Variants in LRPPRC observed in about 807,000 individuals in gnomAD.
LRPPRC encodes the protein leucine-rich PPR motif-containing protein, mitochondrial.
In LRPPRC, 120 loss-of-function variants were observed where a neutral mutation model predicts 180.3. The observed-to-expected ratio is 0.67, with a 90% CI of 0.57 to 0.77. The LOEUF (loss-of-function observed/expected upper bound fraction) is 0.77, where lower values mean the gene tolerates loss of function less well. Ranked by LOEUF, LRPPRC falls within the 30% of genes least tolerant of loss-of-function variation. LRPPRC has a pLI of 0.00. For synonymous variants in LRPPRC, 723 were observed against 600.0 expected (o/e 1.21, Z -3.00); for missense variants, 2,012 against 1,657.2 (o/e 1.21, Z -3.72).
rs150557686 is a variant in LRPPRC at position 43,995,255 on chromosome 2, C to T, written c.149+544G>A. 9.2e-3 allele frequency among the ~76,000 whole-genome samples: 1,408 copies of T among 152,276 alleles called. 15 individuals carry two copies. The highest frequency in any genetic ancestry group is 0.012 in the Non-Finnish European group (824 of 68,022). Reference sequence around the variant, plus strand: ...CTTCTTAAATGCTGAAGGAAAACTCCATTCAAGAGAACGCAGGCAAAAGCC... The same window carrying T: ...CTTCTTAAATGCTGAAGGAAAACTCTATTCAAGAGAACGCAGGCAAAAGCC... On this transcript the variant is annotated intron_variant, in intron 1 of 37. Coordinates refer to ENST00000260665, the MANE Select transcript of LRPPRC (RefSeq NM_133259.4).
intron 34 of LRPPRC, 134 bp from the exon 35 acceptor site, chr2:43,896,842 T>C (rs1558897743): frequency 2.2e-5 from 14 of 640,560 alleles, no homozygotes; most frequent in Non-Finnish European, 3.4e-5. Flanking sequence ...AATAGTCGAC[T>C]ATTATTTTTT....
At chr2:43,925,322 C>A (rs1022239196) in intron 26 of LRPPRC, among the ~76,000 whole-genome samples, 165 bp from the exon 27 acceptor site, 7 of 152,082 alleles carry the variant, frequency 4.6e-5, no homozygotes, top group Admixed American at 2.6e-4. Context: ...GAACTTAATG[C>A]CACTGAACTG....
chr2:43,956,864 T>C lies in LRPPRC; in HGVS notation c.1649+521A>G, dbSNP rs144482296. ...AGGATCACACCACTGCATTGCAGCCTGGGCGACAGAGCAAGACTCCGTCTC... is the reference window on the plus strand; with the variant it reads ...AGGATCACACCACTGCATTGCAGCCCGGGCGACAGAGCAAGACTCCGTCTC... On this transcript the variant is annotated intron_variant, in intron 14 of 37. Transcript: ENST00000260665. 4.7e-3 allele frequency among the ~76,000 whole-genome samples: 714 copies of C among 152,266 alleles called. 6 individuals are homozygous for C. The highest frequency in any genetic ancestry group is 0.016 in the African/African-American group (671 of 41,534).
intron 23 of LRPPRC, among the ~76,000 whole-genome samples, chr2:43,940,898 C>G (rs1672455774): frequency 6.6e-6 from 1 of 152,028 alleles, no homozygotes; most frequent in Non-Finnish European, 1.5e-5. Flanking sequence ...AAAATACTTA[C>G]AAAAGAAAAT....
At chr2:43,928,026 A>G (rs1231169730) in intron 25 of LRPPRC, among the ~76,000 whole-genome samples, 1 of 152,260 alleles carries the variant, frequency 6.6e-6, no homozygotes, top group Non-Finnish European at 1.5e-5. Flanking sequence ...ATAACATGAA[A>G]AAACAGTTAA....
At chr2:43,992,961 G>A (rs1430972626) in intron 1 of LRPPRC, among the ~76,000 whole-genome samples, 3 of 152,118 alleles carry the variant, frequency 2.0e-5, no homozygotes, top group East Asian at 3.9e-4. Flanking sequence ...TGAAAATGTT[G>A]AGAAAACACA....
chr2:43,923,298 G>GT (rs1319827251), intron 27 of LRPPRC, among the ~76,000 whole-genome samples: 1 of 151,332 alleles, frequency 6.6e-6, no homozygotes, highest in Non-Finnish European at 1.5e-5. Context: ...GGGCAACATA[G>GT]TGGGACCCCG....
At chr2:43,969,835 CGG>C (rs1008163982) in intron 11 of LRPPRC, among the ~76,000 whole-genome samples, 1 of 152,006 alleles carries the variant, frequency 6.6e-6, no homozygotes, top group African/African-American at 2.4e-5. Flanking sequence ...CCACCTCGCT[CGG>C]CTAATTTTTC....
Position 43,901,882 on chromosome 2 carries a change from A to G in LRPPRC, c.3365-358T>C, listed in dbSNP as rs117525187. The G allele has an allele frequency of 2.6e-4, 59 of 227,848 alleles. No homozygotes were observed. The East Asian group carries it at 6.6e-3, about 26-fold the overall frequency. The allele number at this position is 227,848 out of a possible 1,614,324, so 14.1% of individuals were successfully genotyped here. ...GAGTTTCCAAAAATGTGTGACTTCT[A>G]TCCATGTTCATACTTGTCCAGATTT... On this transcript the variant is annotated intron_variant, in intron 31 of 37. Coordinates refer to ENST00000260665, the MANE Select transcript of LRPPRC (RefSeq NM_133259.4).
chr2:43,996,140 A>T (rs933548681), upstream of LRPPRC: 1 of 545,268 alleles, frequency 1.8e-6, no homozygotes, highest in African/African-American at 2.0e-5. Flanking sequence ...TAATATTTAC[A>T]TAAACGATGT....
chr2:43,960,328 C>G (rs1673292502), intron 13 of LRPPRC, among the ~76,000 whole-genome samples: 1 of 152,158 alleles, frequency 6.6e-6, no homozygotes, highest in Non-Finnish European at 1.5e-5. Context: ...AGCCTTCAGT[C>G]TAACACCATA....
intron 13 of LRPPRC, chr2:43,959,114 G>C (rs1411784857): frequency 8.9e-6 from 6 of 675,046 alleles, no homozygotes; most frequent in Non-Finnish European, 1.4e-5. Flanking sequence ...CAACGAAGTG[G>C]AATGGATGAT....
chr2:43,950,230 AT>A (rs139046091), intron 15 of LRPPRC, among the ~76,000 whole-genome samples: 21,370 of 151,504 alleles, frequency 0.14, 1,605 homozygotes, highest in Middle Eastern at 0.24. Context: ...TCCAACTTTT[AT>A]TTTAAGTTCA....
intron 19 of LRPPRC, 113 bp downstream of exon 19, chr2:43,947,618 G>A (rs1158528704): frequency 5.3e-6 from 4 of 755,624 alleles, no homozygotes; most frequent in African/African-American, 3.5e-5. Flanking sequence ...CTTCTTAGAG[G>A]TATACAAGAT....
At chr2:43,909,650 T>C (rs1465969209) in intron 30 of LRPPRC, among the ~76,000 whole-genome samples, 3 of 143,984 alleles carry the variant, frequency 2.1e-5, no homozygotes, top group Admixed American at 1.4e-4. Flanking sequence ...AATAATAATA[T>C]TGAGGGTGGG....
At chr2:43,960,184 A>G (rs367864288) in intron 13 of LRPPRC, among the ~76,000 whole-genome samples, 40 of 152,320 alleles carry the variant, frequency 2.6e-4, no homozygotes, top group African/African-American at 9.1e-4. Flanking sequence ...TTTGATTTTC[A>G]CAACTCCCCC....
chr2:43,995,787 C>A lies in LRPPRC; in HGVS notation c.149+12G>T. The stretch of plus-strand genomic sequence containing the variant: ...GCCGCAGCTTGCCTGGAGAAAGGGC[C>A]TGGGCACTCACCCGGCCACGGGCCC... On this transcript the variant is annotated intron_variant, in intron 1 of 37. Coordinates refer to ENST00000260665, the MANE Select transcript of LRPPRC (RefSeq NM_133259.4). 4 of 1,378,510 alleles carry A rather than the reference C, an allele frequency of 2.9e-6. No individual in the cohort carries two copies. Among genetic ancestry groups the A allele is most frequent in the Non-Finnish European group, 3.7e-6 (4 of 1,077,402 alleles). The allele number at this position is 1,378,510 out of a possible 1,614,324, so 85.4% of individuals were successfully genotyped here.
chr2:43,958,810 C>T (rs1673224568), intron 13 of LRPPRC, among the ~76,000 whole-genome samples: 2 of 152,132 alleles, frequency 1.3e-5, no homozygotes, highest in South Asian at 2.1e-4. Context: ...AAGCACGTAC[C>T]AGCAATCATA....
intron 22 of LRPPRC, 41 bp downstream of exon 22, chr2:43,945,291 G>A (rs368657323): frequency 5.5e-5 from 70 of 1,278,580 alleles, no homozygotes; most frequent in Non-Finnish European, 7.4e-5. Context: ...CCAGTGGCAA[G>A]ATACTTGCAT....
Sources: gnomAD v4.1 joint callset for allele counts (sites outside exome capture counted in the v4.1 genomes callset) on GRCh38, gnomAD v4.1.1 for gene constraint, MANE v1.5 for transcripts, NCBI Gene and HGNC (gene_info 2026-07-23, HGNC 2026-07-21) for gene names.